The following SASH1 variants were observed in gnomAD, a reference collection of about 807,000 sequenced individuals.
SASH1 encodes SAM and SH3 domain-containing protein 1.
In SASH1, 44 loss-of-function variants were observed where a neutral mutation model predicts 125.2. That is an observed-to-expected ratio of 0.35 (90% confidence interval 0.28 to 0.45). The LOEUF is 0.45. Ranked by LOEUF, SASH1 falls within the 20% of genes least tolerant of loss-of-function variation. SASH1 has a pLI of 1.00. For missense variants in SASH1, 1,426 were observed against 1,614.5 expected (o/e 0.88, Z 2.00); for synonymous variants, 639 against 649.1 (o/e 0.98, Z 0.24).
intron 1 of SASH1, among the ~76,000 whole-genome samples, chr6:148,388,580 G>A (rs1473096440): frequency 2.6e-5 from 4 of 152,222 alleles, no homozygotes; most frequent in Non-Finnish European, 4.4e-5. Context: ...GGGGAAGCAA[G>A]GAGCTTTTCT....
At chr6:148,222,673 AAATGTTGAATAATTACATTG>A in the SASH1 span, among the ~76,000 whole-genome samples, 3 of 152,240 alleles carry the variant, frequency 2.0e-5, no homozygotes, top group Non-Finnish European at 4.4e-5. Flanking sequence ...CCACATAAGG[AAATGTTGAATAATTACATTG>A]AATCATTTTA....
At chr6:148,194,692 G>C in the SASH1 span, among the ~76,000 whole-genome samples, 1 of 152,224 alleles carries the variant, frequency 6.6e-6, no homozygotes, top group Non-Finnish European at 1.5e-5. Context: ...AGGATCACGA[G>C]GTCAGGAGAT....
rs775767816 is a variant in SASH1, at chr6:148,540,535, A to G, written c.2188A>G (p.Ser730Gly). Reference protein sequence around the residue: ...CSPRDSGCYESSENLENGKTR... With the variant: ...CSPRDSGCYEGSENLENGKTR... ...ACCCCGAGACTCAGGATGCTACGAA[A>G]GCAGTGAGAACCTGGAAAACGGTAA... The change falls in exon 17 of 20, where the codon AGC (serine) becomes GGC (glycine). Residue 730 changes from serine (S) to glycine (G), a missense_variant. This residue lies in a region of SASH1 where 634 missense variants were observed against 694.4 expected (regional missense o/e 0.91). Coordinates refer to ENST00000367467, the MANE Select transcript of SASH1 (RefSeq NM_015278.5). 80 of 1,613,796 alleles carry G rather than the reference A, an allele frequency of 5.0e-5. No homozygotes were observed. The highest frequency in any genetic ancestry group is 5.7e-5 in the Non-Finnish European group (67 of 1,179,912).
At chr6:148,288,798 A>G (rs1459816633) in intron 1 of SASH1, among the ~76,000 whole-genome samples, 1 of 152,146 alleles carries the variant, frequency 6.6e-6, no homozygotes, top group Non-Finnish European at 1.5e-5. Flanking sequence ...CTCAGCAGCT[A>G]GCCCCGGTGT....
At chr6:148,342,142 C>G (rs1781345447), upstream of SASH1, among the ~76,000 whole-genome samples, 2 of 152,194 alleles carry the variant, frequency 1.3e-5, no homozygotes, top group African/African-American at 4.8e-5. Context: ...GCCGAAAGCC[C>G]TAGCAATGCA....
At chr6:148,449,588 T>C (rs966518632) in intron 4 of SASH1, among the ~76,000 whole-genome samples, 1 of 152,086 alleles carries the variant, frequency 6.6e-6, no homozygotes, top group African/African-American at 2.4e-5. Flanking sequence ...GGTTTCTCCA[T>C]GTTGGTCAGC....
intron 1 of SASH1, among the ~76,000 whole-genome samples, chr6:148,326,119 C>T (rs1378529658): frequency 6.7e-6 from 1 of 150,260 alleles, no homozygotes; most frequent in Non-Finnish European, 1.5e-5. Context: ...TCTCCACCTC[C>T]TGGGTTCAAG....
At chr6:148,505,972 T>C (rs564168497) in intron 8 of SASH1, among the ~76,000 whole-genome samples, 1 of 151,608 alleles carries the variant, frequency 6.6e-6, no homozygotes, top group South Asian at 2.1e-4. Context: ...GGTTTCACTG[T>C]GTTAGCCAGG....
At chr6:148,515,649 C>T (rs1469660303) in intron 9 of SASH1, among the ~76,000 whole-genome samples, 1 of 152,148 alleles carries the variant, frequency 6.6e-6, no homozygotes, top group African/African-American at 2.4e-5. Context: ...ATTCTGTTTA[C>T]ATTTGGATGC....
chr6:148,402,872 G>T (rs914969872), intron 2 of SASH1, among the ~76,000 whole-genome samples: 5 of 152,136 alleles, frequency 3.3e-5, no homozygotes, highest in Non-Finnish European at 7.3e-5. Context: ...GCCTCCCAAA[G>T]TGCTGGGATT....
At chr6:148,240,799 G>T in the SASH1 span, among the ~76,000 whole-genome samples, 1 of 152,118 alleles carries the variant, frequency 6.6e-6, no homozygotes, top group African/African-American at 2.4e-5. Flanking sequence ...TCTGTCCTGG[G>T]CTAATAAAGG....
At chr6:148,512,208 C>G (rs1007782787) in intron 8 of SASH1, among the ~76,000 whole-genome samples, 1 of 151,966 alleles carries the variant, frequency 6.6e-6, no homozygotes, top group Non-Finnish European at 1.5e-5. Context: ...TTAGTAGAGA[C>G]GGGGTTTCAC....
Position 148,549,424 on chromosome 6 carries a change from C to CGT in SASH1, c.*873_*874dup, listed in dbSNP as rs373028358. 5.1e-6 allele frequency: 2 copies of CGT among 392,398 alleles called. No individual in the cohort carries two copies. Among genetic ancestry groups the CGT allele is most frequent in the African/African-American group, 4.1e-5 (2 of 48,324 alleles). 24.3% of individuals were successfully genotyped at this position (392,398 alleles called of 1,614,324 possible). On this transcript the variant is annotated 3_prime_UTR_variant, in exon 20 of 20. Coordinates refer to ENST00000367467, the MANE Select transcript of SASH1 (RefSeq NM_015278.5). ...TCATGTGTGTGCGTGCGTGCGTGCG[C>CGT]GTGTGTGTCTGTATTCATAGTGACT...
At chr6:148,286,988 C>T (rs568997777) in intron 1 of SASH1, among the ~76,000 whole-genome samples, 8 of 152,148 alleles carry the variant, frequency 5.3e-5, no homozygotes, top group African/African-American at 1.7e-4. Context: ...CCTCTCCATG[C>T]GCTTCCTCAG....
At chr6:148,438,725 CAAAAA>C (rs60769463) in intron 2 of SASH1, among the ~76,000 whole-genome samples, 9 of 96,404 alleles carry the variant, frequency 9.3e-5, no homozygotes, top group Non-Finnish European at 1.4e-4. Context: ...TTCATTGTGG[CAAAAA>C]AAAAAAAAAA....
chr6:148,273,808 G>T (rs992284623), intron 1 of SASH1, among the ~76,000 whole-genome samples: 2 of 152,164 alleles, frequency 1.3e-5, no homozygotes, highest in Non-Finnish European at 2.9e-5. Context: ...AGGCTGCTTT[G>T]CTCACTACTG....
intron 1 of SASH1, among the ~76,000 whole-genome samples, chr6:148,346,407 ATGTT>A (rs927011555): frequency 1.5e-4 from 23 of 152,122 alleles, no homozygotes; most frequent in African/African-American, 5.1e-4. Flanking sequence ...CGGCATGAAA[ATGTT>A]TGAGCAGTAC....
intron 2 of SASH1, among the ~76,000 whole-genome samples, chr6:148,412,431 A>G (rs1055195335): frequency 1.3e-5 from 2 of 152,224 alleles, no homozygotes; most frequent in African/African-American, 4.8e-5. Context: ...AAAAAATGAT[A>G]TAAAGTGATT....
chr6:148,346,365 C>T (rs1293149519), intron 1 of SASH1, among the ~76,000 whole-genome samples: 1 of 151,670 alleles, frequency 6.6e-6, no homozygotes, highest in Non-Finnish European at 1.5e-5. Flanking sequence ...TAACAAAGTG[C>T]TCATTTAGAA....
Sources: gnomAD v4.1 joint callset for allele counts (sites outside exome capture counted in the v4.1 genomes callset) on GRCh38, gnomAD v4.1.1 for gene constraint, gnomAD v4.1.1 regional missense constraint, MANE v1.5 for transcripts, NCBI Gene and HGNC (gene_info 2026-07-23, HGNC 2026-07-21) for gene names.